TBCK: variants seen among roughly 807,000 people sequenced by gnomAD.
The protein encoded by TBCK is TBC1 domain containing kinase, also known as TBC domain-containing protein kinase-like protein.
A neutral mutation model predicts 113.4 loss-of-function variants in TBCK; 99 were observed. That is an observed-to-expected ratio of 0.87 (90% CI 0.74 to 1.03). The LOEUF is 1.03. Among genes scored for constraint, TBCK ranks in the 50% least tolerant of loss-of-function variants. The pLI, the probability that TBCK is intolerant of heterozygous loss-of-function variation, is 0.00. For missense variants in TBCK, 1,045 were observed against 1,061.3 expected (o/e 0.98, Z 0.21); for synonymous variants, 369 against 370.8 (o/e 1.00, Z 0.05).
intron 23 of TBCK, among the ~76,000 whole-genome samples, chr4:106,170,651 T>G (rs1750876444): frequency 6.6e-6 from 1 of 152,144 alleles, no homozygotes; most frequent in Non-Finnish European, 1.5e-5. Flanking sequence ...AAAGCTTTGT[T>G]GACCATATTT....
At chr4:106,290,033 G>C (rs1358339536) in intron 3 of TBCK, among the ~76,000 whole-genome samples, 2 of 151,962 alleles carry the variant, frequency 1.3e-5, no homozygotes, top group Non-Finnish European at 2.9e-5. Context: ...TTTAACCCAG[G>C]CTCAACTAAA....
In TBCK at chr4:106,248,991, C is replaced by T. The variant is rs374210466; in HGVS notation, c.659-9G>A. 6 of 1,577,784 alleles carry T rather than the reference C, an allele frequency of 3.8e-6. No individual in the cohort carries two copies. The highest frequency in any genetic ancestry group is 4.3e-6 in the Non-Finnish European group (5 of 1,162,398). On this transcript the variant is annotated splice_polypyrimidine_tract_variant and intron_variant, in intron 7 of 25. Coordinates refer to ENST00000394708, the MANE Select transcript of TBCK (RefSeq NM_001163435.3). Reference sequence around the variant, plus strand: ...AGTGTCATCTACACAATCTATAAAACAGAAAAACTATATGAATAAATGCTA... The same window carrying T: ...AGTGTCATCTACACAATCTATAAAATAGAAAAACTATATGAATAAATGCTA...
intron 22 of TBCK, among the ~76,000 whole-genome samples, chr4:106,175,227 CAT>C (rs1472762814): frequency 4.0e-5 from 6 of 150,976 alleles, no homozygotes; most frequent in African/African-American, 1.5e-4. Context: ...TTAATTTTCT[CAT>C]AGTTATCTTT....
intron 25 of TBCK, among the ~76,000 whole-genome samples, chr4:106,077,599 C>T (rs1439245250): frequency 6.6e-6 from 1 of 152,130 alleles, no homozygotes; most frequent in Non-Finnish European, 1.5e-5. Flanking sequence ...CTCAATCCAT[C>T]AAGAAGACTT....
At chr4:106,130,589 T>TAC (rs70941237) in intron 23 of TBCK, among the ~76,000 whole-genome samples, 32,568 of 142,206 alleles carry the variant, frequency 0.23, 3,734 homozygotes, top group African/African-American at 0.32. Flanking sequence ...TTGCGCTAAA[T>TAC]ACACACACAC....
chr4:106,067,504 T>G (rs745938236), intron 25 of TBCK, among the ~76,000 whole-genome samples: 21 of 152,272 alleles, frequency 1.4e-4, no homozygotes, highest in Admixed American at 2.0e-4. Flanking sequence ...AAATTCTTAC[T>G]TTTAGAAGTC....
At chr4:106,230,325 A>C in intron 19 of TBCK, 38 bp downstream of exon 19, 2 of 1,353,452 alleles carry the variant, frequency 1.5e-6, no homozygotes, top group African/African-American at 1.4e-5. Context: ...GTACATCAGT[A>C]GTTTCTCTGT....
intron 24 of TBCK, among the ~76,000 whole-genome samples, chr4:106,113,098 C>T (rs558197099): frequency 2.0e-4 from 30 of 152,330 alleles, no homozygotes; most frequent in Non-Finnish European, 3.4e-4. Flanking sequence ...AGAGTCCACC[C>T]GATATGTCAT....
chr4:106,176,759 T>C (rs750459146), intron 22 of TBCK, among the ~76,000 whole-genome samples: 7 of 152,026 alleles, frequency 4.6e-5, no homozygotes, highest in African/African-American at 7.2e-5. Flanking sequence ...ACCTCCATAC[T>C]GTTTTTCATA....
intron 20 of TBCK, among the ~76,000 whole-genome samples, chr4:106,204,498 T>A (rs150530642): frequency 5.3e-5 from 8 of 152,314 alleles, no homozygotes; most frequent in African/African-American, 1.4e-4. Context: ...TGGATAAAAC[T>A]GCTGGCATGT....
At chr4:106,178,973 T>A (rs1752013823) in intron 22 of TBCK, among the ~76,000 whole-genome samples, 1 of 149,658 alleles carries the variant, frequency 6.7e-6, no homozygotes, top group Non-Finnish European at 1.5e-5. Context: ...CTAAGCTGTA[T>A]GTGTCCAGAA....
At chr4:106,063,004 C>G (rs1736220943) in intron 25 of TBCK, among the ~76,000 whole-genome samples, 1 of 151,878 alleles carries the variant, frequency 6.6e-6, no homozygotes, top group South Asian at 2.1e-4. Flanking sequence ...AAGGACTCAA[C>G]AGGAGTTTTT....
At chr4:106,243,141 T>C (rs1760365641) in intron 11 of TBCK, among the ~76,000 whole-genome samples, 1 of 152,084 alleles carries the variant, frequency 6.6e-6, no homozygotes, top group Admixed American at 6.6e-5. Context: ...TATAAAACAA[T>C]GTATTGAGAT....
intron 20 of TBCK, among the ~76,000 whole-genome samples, chr4:106,210,460 A>ATAGGC (rs1755996556): frequency 6.6e-6 from 1 of 152,188 alleles, no homozygotes; most frequent in African/African-American, 2.4e-5. Flanking sequence ...GAAAACAGTA[A>ATAGGC]TAGGCTAACT....
intron 23 of TBCK, among the ~76,000 whole-genome samples, chr4:106,150,425 A>C (rs905590705): frequency 6.6e-6 from 1 of 152,154 alleles, no homozygotes; most frequent in Non-Finnish European, 1.5e-5. Flanking sequence ...TAGTAAAAAC[A>C]TAAGTTACAG....
intron 19 of TBCK, among the ~76,000 whole-genome samples, chr4:106,227,809 C>T (rs180846435): frequency 1.3e-5 from 2 of 151,694 alleles, no homozygotes; most frequent in Non-Finnish European, 3.0e-5. Flanking sequence ...AATTCCCTGG[C>T]CTTAAAATAC....
intron 11 of TBCK, 27 bp from the exon 12 acceptor site, chr4:106,242,596 T>G (rs577288851): frequency 1.1e-4 from 146 of 1,378,958 alleles, no homozygotes; most frequent in Non-Finnish European, 1.4e-4. Context: ...AAAAATAATA[T>G]GTACACAAAA....
intron 22 of TBCK, among the ~76,000 whole-genome samples, chr4:106,183,876 T>C (rs1313667730): frequency 1.3e-5 from 2 of 152,076 alleles, no homozygotes; most frequent in African/African-American, 4.8e-5. Context: ...GCATTATTTG[T>C]CCTTGTTATG....
intron 5 of TBCK, among the ~76,000 whole-genome samples, chr4:106,257,679 T>C (rs1179507435): frequency 6.6e-6 from 1 of 152,054 alleles, no homozygotes; most frequent in Non-Finnish European, 1.5e-5. Flanking sequence ...GAATGTGTGA[T>C]ATCTCTAGAA....
Sources: allele counts gnomAD v4.1 joint callset (sites outside exome capture counted in the v4.1 genomes callset), GRCh38; gene constraint gnomAD v4.1.1; transcripts MANE v1.5; gene names NCBI Gene and HGNC (gene_info 2026-07-23, HGNC 2026-07-21).